Variants in ADGRA1 observed in about 807,000 individuals in gnomAD.
ADGRA1 encodes adhesion G protein-coupled receptor A1.
In ADGRA1, 12 loss-of-function variants were observed where a neutral mutation model predicts 21.3. That is an observed-to-expected ratio of 0.56 (90% CI 0.36 to 0.91). The LOEUF (loss-of-function observed/expected upper bound fraction) is 0.91. Ranked by LOEUF, ADGRA1 falls within the 40% of genes least tolerant of loss-of-function variation. The pLI is 0.01. For missense variants in ADGRA1, 790 were observed against 805.6 expected (o/e 0.98, Z 0.23); for synonymous variants, 385 against 368.8 (o/e 1.04, Z -0.50).
At chr10:133,090,001 A>G (rs1327707589) in intron 2 of ADGRA1, among the ~76,000 whole-genome samples, 3 of 152,212 alleles carry the variant, frequency 2.0e-5, no homozygotes, top group Non-Finnish European at 2.9e-5. Context: ...CACCCAGCGC[A>G]GCCCCAGGCC....
At chr10:133,102,913 G>A in intron 5 of ADGRA1, 71 bp downstream of exon 5, 1 of 1,512,768 alleles carries the variant, frequency 6.6e-7, no homozygotes, top group Non-Finnish European at 9.0e-7. Flanking sequence ...TCTGGGTCTT[G>A]GCAAACCTTC....
chr10:133,118,248 C>T (rs942627855), intron 5 of ADGRA1, among the ~76,000 whole-genome samples: 1 of 152,062 alleles, frequency 6.6e-6, no homozygotes, highest in Admixed American at 6.5e-5. Context: ...GGCCTCAGGT[C>T]ACGGTGCCCA....
In ADGRA1 at chr10:133,097,048, C is replaced by T. The variant is rs199784535; in HGVS notation, c.78C>T (p.Ala26=). Residue 26 remains alanine, a synonymous_variant, in exon 3 of 7, where the codon GCC becomes GCT. Coordinates refer to ENST00000392607, the MANE Select transcript of ADGRA1 (RefSeq NM_001083909.3). ...FLHPVVYACT[A]VMLLCLLASF... is the part of the protein sequence containing the mutation. Reference sequence around the variant, plus strand: ...ACCCCGTGGTGTACGCGTGCACGGCCGTCATGCTGCTCTGCCTCCTGGCCT... The same window carrying T: ...ACCCCGTGGTGTACGCGTGCACGGCTGTCATGCTGCTCTGCCTCCTGGCCT... The T allele has an allele frequency of 1.2e-5, 19 of 1,611,210 alleles. No homozygotes were observed. In the African/African-American group the frequency reaches 1.6e-4, roughly 14 times the overall value.
At chr10:133,109,920 C>T (rs1187483850) in intron 5 of ADGRA1, among the ~76,000 whole-genome samples, 1 of 152,242 alleles carries the variant, frequency 6.6e-6, no homozygotes, top group Non-Finnish European at 1.5e-5. Context: ...GGCCTCTGCA[C>T]ACTCAGGGCG....
intron 3 of ADGRA1, 137 bp from the exon 4 acceptor site, chr10:133,098,490 CTCCCCTGACCGGG>C (rs1851728406): frequency 1.1e-6 from 1 of 887,608 alleles, no homozygotes; most frequent in African/African-American, 1.7e-5. Flanking sequence ...CCCATCTGCT[CTCCCCTGACCGGG>C]TCCTCGGACA....
intron 5 of ADGRA1, among the ~76,000 whole-genome samples, chr10:133,104,423 G>T (rs925686089): frequency 6.6e-6 from 1 of 152,212 alleles, no homozygotes; most frequent in Non-Finnish European, 1.5e-5. Flanking sequence ...ACACCCCGGC[G>T]CTCTTCCATC....
At position 133,102,964 on chromosome 10, in the gene ADGRA1, G is replaced by T. The variant is rs1191858103; in HGVS notation, c.401+122G>T. 8 of 1,099,604 alleles carry T rather than the reference G, an allele frequency of 7.3e-6. No individual in the cohort carries two copies. The African/African-American group carries it at 1.3e-4, about 17-fold the overall frequency. 68.1% of individuals were successfully genotyped at this position (1,099,604 alleles called of 1,614,324 possible). A position where few individuals can be genotyped will look rare whatever the true frequency, so the allele number is the denominator to read the frequency against. ...GGGCCTGAGGATGATCCGGTCCATG[G>T]GGGAGGGTCAGTGTTCCCAGGGAGG... On this transcript the variant is annotated intron_variant, in intron 5 of 6. Coordinates refer to ENST00000392607, the MANE Select transcript of ADGRA1 (RefSeq NM_001083909.3).
rs115604491 is a variant in ADGRA1, at chr10:133,100,636, T to C, written c.255+1873T>C. On this transcript the variant is annotated intron_variant, in intron 4 of 6. Coordinates refer to ENST00000392607, the MANE Select transcript of ADGRA1 (RefSeq NM_001083909.3). ...TAAGGCAACAGCCATCAGGAGGAAA[T>C]GAGCAGAAAAGATTGTGGCCTATCT... Among the ~76,000 whole-genome samples the C allele has an allele frequency of 6.3e-3, 959 of 152,218 alleles. 16 individuals are homozygous for C. The highest frequency in any genetic ancestry group is 0.022 in the African/African-American group (929 of 41,518).
chr10:133,121,475 T>C (rs1852254818), intron 5 of ADGRA1, among the ~76,000 whole-genome samples: 1 of 149,116 alleles, frequency 6.7e-6, no homozygotes. Context: ...TGTGCGTGTG[T>C]GCATGTGTGG....
Position 133,128,905 on chromosome 10 carries a change from G to C in ADGRA1, c.1077G>C (p.Pro359=). Reference sequence around the variant, plus strand: ...AGCCACGGGGCTTCGCGCACCCACCGGGCCCCTGCAAGATGACCAACCTGC... The same window carrying C: ...AGCCACGGGGCTTCGCGCACCCACCCGGCCCCTGCAAGATGACCAACCTGC... The part of the protein sequence containing the change: ...LGQPRGFAHP[P]GPCKMTNLQA... Residue 359 remains proline, a synonymous_variant, in exon 7 of 7, where the codon CCG becomes CCC. Coordinates refer to ENST00000392607, the MANE Select transcript of ADGRA1 (RefSeq NM_001083909.3). 1.3e-6 allele frequency: 2 copies of C among 1,557,212 alleles called. No individual in the cohort carries two copies. Among genetic ancestry groups the C allele is most frequent in the South Asian group, 1.2e-5 (1 of 85,904 alleles).
intron 5 of ADGRA1, among the ~76,000 whole-genome samples, chr10:133,106,738 G>A (rs1851900120): frequency 1.3e-5 from 2 of 152,272 alleles, no homozygotes; most frequent in South Asian, 4.1e-4. Flanking sequence ...CACAGAGTGT[G>A]CAGCATGCTT....
rs190529463 is a variant in ADGRA1, at chr10:133,107,141, C to T, written c.401+4299C>T. Among the ~76,000 whole-genome samples, 731 of 152,198 alleles carry T rather than the reference C, an allele frequency of 4.8e-3. 7 individuals carry two copies. The highest frequency in any genetic ancestry group is 0.017 in the African/African-American group (707 of 41,508). On this transcript the variant is annotated intron_variant, in intron 5 of 6. Transcript: ENST00000392607. ...TTTTCTTAACTTTCCTTTCAGATTG[C>T]TTATTTGTTTGTGAACAAAACACAA...
chr10:133,101,729 C>T (rs1851798792), intron 4 of ADGRA1, among the ~76,000 whole-genome samples: 1 of 152,198 alleles, frequency 6.6e-6, no homozygotes, highest in Admixed American at 6.5e-5. Flanking sequence ...TGCATGAGGC[C>T]TAGGCACTGG....
chr10:133,112,376 C>CGGTTATTTGGGGTCTACGGGCCATGTT lies in ADGRA1; in HGVS notation c.401+9556_401+9557insATGTTGGTTATTTGGGGTCTACGGGCC, dbSNP rs1852053068. On this transcript the variant is annotated intron_variant, in intron 5 of 6. Coordinates refer to ENST00000392607, the MANE Select transcript of ADGRA1 (RefSeq NM_001083909.3). ...GTTATTTGGGGTCTGCGGGCCGTGT[C>CGGTTATTTGGGGTCTACGGGCCATGTT]GGTTATTTGGGGTCTACGGGCCGCG... 8.1e-5 allele frequency among the ~76,000 whole-genome samples: 12 copies of CGGTTATTTGGGGTCTACGGGCCATGTT among 148,346 alleles called. 1 individual carries two copies. Among genetic ancestry groups the CGGTTATTTGGGGTCTACGGGCCATGTT allele is most frequent in the African/African-American group, 3.0e-4 (12 of 39,826 alleles).
At chr10:133,112,366 C>T (rs140635039) in intron 5 of ADGRA1, among the ~76,000 whole-genome samples, 2,532 of 147,708 alleles carry the variant, frequency 0.017, 37 homozygotes, top group Non-Finnish European at 0.024. Flanking sequence ...TTGGGGTCTG[C>T]GGGCCGTGTC....
intron 3 of ADGRA1, among the ~76,000 whole-genome samples, chr10:133,097,891 A>C (rs1261467560): frequency 6.6e-6 from 1 of 152,016 alleles, no homozygotes; most frequent in Non-Finnish European, 1.5e-5. Flanking sequence ...AGGGTGAGGC[A>C]CTCTGGGGGC....
chr10:133,103,667 G>A (rs1024170278), intron 5 of ADGRA1, among the ~76,000 whole-genome samples: 1 of 152,226 alleles, frequency 6.6e-6, no homozygotes, highest in Admixed American at 6.5e-5. Flanking sequence ...CGTCTGGGAG[G>A]TGGCAGGAGC....
Position 133,129,091 on chromosome 10 carries a change from TAAGCC to T in ADGRA1, c.1264_1268del (p.Lys422AlafsTer4). ...TGCACGGGTGCCTTCAGGGCAGAAC[TAAGCC>T]GCCCTACTTTAGCCGGCACCCAGCA... On this transcript the variant is annotated frameshift_variant, in exon 7 of 7. Transcript: ENST00000392607. LOFTEE classifies it low-confidence loss of function (END_TRUNC). 6.5e-7 allele frequency: 1 copy of T among 1,549,920 alleles called. No individual in the cohort carries two copies. Among genetic ancestry groups the T allele is most frequent in the Non-Finnish European group, 8.7e-7 (1 of 1,145,292 alleles).
In ADGRA1 at chr10:133,105,368, C is replaced by T. The variant is rs142084259; in HGVS notation, c.401+2526C>T. Among the ~76,000 whole-genome samples, 729 of 152,310 alleles carry T rather than the reference C, an allele frequency of 4.8e-3. 7 individuals carry two copies. Among genetic ancestry groups the T allele is most frequent in the African/African-American group, 0.017 (705 of 41,560 alleles). On this transcript the variant is annotated intron_variant, in intron 5 of 6. Coordinates refer to ENST00000392607, the MANE Select transcript of ADGRA1 (RefSeq NM_001083909.3). ...GTAAGCCCCCGTCCCCGGCCCAGCT[C>T]TGCAAGTGTTTAACAAGAAATAACA...
Sources: gnomAD v4.1 joint callset for allele counts (sites outside exome capture counted in the v4.1 genomes callset) on GRCh38, gnomAD v4.1.1 for gene constraint, MANE v1.5 for transcripts, NCBI Gene and HGNC (gene_info 2026-07-23, HGNC 2026-07-21) for gene names.